Variants in CADM1 observed in about 807,000 individuals in gnomAD.
CADM1 encodes TSLC-1.
A neutral mutation model predicts 53.1 loss-of-function variants in CADM1; 15 were observed. The observed-to-expected ratio is 0.28, with a 90% CI of 0.19 to 0.44. CADM1 has a LOEUF of 0.44. Among genes scored for constraint, CADM1 ranks in the 20% least tolerant of loss-of-function variants. CADM1 has a pLI of 1.00. For synonymous variants in CADM1, 281 were observed against 243.0 expected (o/e 1.16, Z -1.45); for missense variants, 434 against 611.3 (o/e 0.71, Z 3.06).
chr11:115,462,577 C>T (rs1303834853), intron 1 of CADM1, among the ~76,000 whole-genome samples: 1 of 152,070 alleles, frequency 6.6e-6, no homozygotes, highest in Non-Finnish European at 1.5e-5. Context: ...GAGCAGAGCC[C>T]CATGAACCTA....
chr11:115,346,275 C>A (rs1363339120), intron 1 of CADM1, among the ~76,000 whole-genome samples: 1 of 152,148 alleles, frequency 6.6e-6, no homozygotes, highest in African/African-American at 2.4e-5. Context: ...TTAAGGACTG[C>A]AAGTGAATGT....
intron 1 of CADM1, among the ~76,000 whole-genome samples, chr11:115,243,977 G>T (rs1489035176): frequency 6.6e-6 from 1 of 152,208 alleles, no homozygotes; most frequent in Non-Finnish European, 1.5e-5. Context: ...GGCATTTATA[G>T]ACTAATCGGT....
chr11:115,183,234 C>T (rs1244978608), intron 10 of CADM1, among the ~76,000 whole-genome samples: 1 of 152,174 alleles, frequency 6.6e-6, no homozygotes, highest in Non-Finnish European at 1.5e-5. Flanking sequence ...GTTTTCATTC[C>T]TCAAACTCCT....
rs139363282 is a variant in CADM1 at position 115,169,800 on chromosome 11, C to T, written c.*6674G>A. On this transcript the variant is annotated 3_prime_UTR_variant, in exon 12 of 12. Transcript: ENST00000331581. ...TAGCTAGACTTGCACTTGCCAGCAT[C>T]CATTGCAGGTTTAAACGATGAAATA... 4.6e-3 allele frequency: 1,392 copies of T among 303,204 alleles called. 8 individuals are homozygous for T. The highest frequency in any genetic ancestry group is 6.3e-3 in the Non-Finnish European group (948 of 151,346). The allele number at this position is 303,204 out of a possible 1,614,324, so 18.8% of individuals were successfully genotyped here.
intron 1 of CADM1, among the ~76,000 whole-genome samples, chr11:115,399,966 T>C (rs1051876843): frequency 2.0e-5 from 3 of 152,170 alleles, no homozygotes; most frequent in Non-Finnish European, 2.9e-5. Flanking sequence ...CCACAAAAAC[T>C]TTAAATTTCC....
chr11:115,414,843 C>A (rs1375258156), intron 1 of CADM1, among the ~76,000 whole-genome samples: 2 of 152,044 alleles, frequency 1.3e-5, no homozygotes, highest in East Asian at 3.8e-4. Flanking sequence ...AAAAGGTATT[C>A]CTCATTATTA....
At chr11:115,213,655 A>C (rs1394673810) in intron 7 of CADM1, among the ~76,000 whole-genome samples, 1 of 152,212 alleles carries the variant, frequency 6.6e-6, no homozygotes, top group Non-Finnish European at 1.5e-5. Flanking sequence ...GGTATAATTT[A>C]TGTGTATCTA....
chr11:115,288,795 A>T (rs1435416617), intron 1 of CADM1, among the ~76,000 whole-genome samples: 1 of 152,202 alleles, frequency 6.6e-6, no homozygotes, highest in Non-Finnish European at 1.5e-5. Flanking sequence ...GCCTAAAAAA[A>T]GTTTCTGGAA....
intron 1 of CADM1, among the ~76,000 whole-genome samples, chr11:115,390,032 G>A (rs1000252053): frequency 7.9e-5 from 12 of 152,048 alleles, no homozygotes; most frequent in African/African-American, 2.9e-4. Context: ...CTTATTTAGA[G>A]TTGTGCATCC....
At chr11:115,287,424 A>C (rs1943760290) in intron 1 of CADM1, 2 of 152,248 alleles carry the variant, frequency 1.3e-5, no homozygotes, top group South Asian at 4.1e-4. Flanking sequence ...CCAGAAAAAC[A>C]AGATGGTCCT....
At chr11:115,374,234 A>C (rs1399811343) in intron 1 of CADM1, among the ~76,000 whole-genome samples, 1 of 152,256 alleles carries the variant, frequency 6.6e-6, no homozygotes, top group East Asian at 1.9e-4. Context: ...TCATAATAAA[A>C]GAGTCTTCCA....
intron 1 of CADM1, among the ~76,000 whole-genome samples, chr11:115,267,431 C>T (rs1943173058): frequency 6.6e-6 from 1 of 152,206 alleles, no homozygotes; most frequent in East Asian, 1.9e-4. Context: ...GTGCTATCTC[C>T]TTGAGGGATA....
At chr11:115,355,179 C>G (rs1591740434) in intron 1 of CADM1, among the ~76,000 whole-genome samples, 1 of 152,124 alleles carries the variant, frequency 6.6e-6, no homozygotes, top group African/African-American at 2.4e-5. Context: ...CAGCGTTATT[C>G]ACAATAATAG....
intron 1 of CADM1, among the ~76,000 whole-genome samples, chr11:115,429,178 A>C (rs1463904418): frequency 6.6e-6 from 1 of 152,202 alleles, no homozygotes; most frequent in African/African-American, 2.4e-5. Flanking sequence ...AAAAGGGAAA[A>C]AGCAGAGAGC....
In CADM1 at chr11:115,490,507, G is replaced by A. The variant is rs530551237; in HGVS notation, c.124+13764C>T. ...TCCGCCTCCCAAGTTCAAGCAATTCGCCTGCCTCAGCCACCCGAGTAGCTG... is the reference window on the plus strand; with the variant it reads ...TCCGCCTCCCAAGTTCAAGCAATTCACCTGCCTCAGCCACCCGAGTAGCTG... On this transcript the variant is annotated intron_variant, in intron 1 of 11. Transcript: ENST00000331581. 9.5e-5 allele frequency among the ~76,000 whole-genome samples: 14 copies of A among 147,020 alleles called. No homozygotes were observed. In the South Asian group the frequency reaches 1.9e-3, roughly 20 times the overall value.
intron 1 of CADM1, among the ~76,000 whole-genome samples, chr11:115,356,675 T>C (rs535410826): frequency 1.1e-4 from 16 of 152,336 alleles, no homozygotes; most frequent in Admixed American, 1.0e-3. Context: ...CAGCAGTCCA[T>C]GTAAATCCCA....
chr11:115,182,304 C>T (rs1304920794), intron 10 of CADM1, among the ~76,000 whole-genome samples: 3 of 152,178 alleles, frequency 2.0e-5, no homozygotes, highest in South Asian at 2.1e-4. Context: ...GACATCACTT[C>T]GGTTTAGAAA....
chr11:115,400,811 T>C (rs556543969), intron 1 of CADM1, among the ~76,000 whole-genome samples: 1 of 150,532 alleles, frequency 6.6e-6, no homozygotes. Context: ...TGTATGCCTA[T>C]TAGAATGGCC....
intron 1 of CADM1, among the ~76,000 whole-genome samples, chr11:115,328,323 CATA>C (rs1385662072): frequency 6.6e-6 from 1 of 152,080 alleles, no homozygotes; most frequent in African/African-American, 2.4e-5. Flanking sequence ...CCATGGCTTA[CATA>C]ATGACAGATG....
Sources: gnomAD v4.1 joint callset for allele counts (sites outside exome capture counted in the v4.1 genomes callset) on GRCh38, gnomAD v4.1.1 for gene constraint, MANE v1.5 for transcripts, NCBI Gene and HGNC (gene_info 2026-07-23, HGNC 2026-07-21) for gene names.